Variants in FSHR observed in about 807,000 individuals in gnomAD.
FSHR encodes follicle-stimulating hormone receptor.
In FSHR, 46 loss-of-function variants were observed where a neutral mutation model predicts 52.1. The observed-to-expected ratio is 0.88, with a 90% CI of 0.70 to 1.13. The LOEUF (loss-of-function observed/expected upper bound fraction) is 1.13, where lower values mean the gene tolerates loss of function less well. Among genes scored for constraint, FSHR ranks in the 50% most tolerant of loss-of-function variants. The pLI is 0.00. For missense variants in FSHR, 964 were observed against 834.6 expected (o/e 1.16, Z -1.91); for synonymous variants, 399 against 309.6 (o/e 1.29, Z -3.03).
In FSHR at chr2:49,142,117, C is replaced by T. The variant is rs188045919; in HGVS notation, c.152+12149G>A. On this transcript the variant is annotated intron_variant, in intron 1 of 9. Coordinates refer to ENST00000406846, the MANE Select transcript of FSHR (RefSeq NM_000145.4). ...AGCCCTTTCATTTATTCTTTCAACT[C>T]ATATATGTATTGAGTGTTTACTCTG... Among the ~76,000 whole-genome samples, 244 of 152,300 alleles carry T rather than the reference C, an allele frequency of 1.6e-3. 1 individual carries two copies. Among genetic ancestry groups the T allele is most frequent in the African/African-American group, 5.8e-3 (241 of 41,562 alleles).
intron 1 of FSHR, among the ~76,000 whole-genome samples, chr2:49,082,059 G>A (rs1178628163): frequency 1.3e-5 from 2 of 152,202 alleles, no homozygotes; most frequent in Non-Finnish European, 2.9e-5. Context: ...CCAGTCTACA[G>A]CTCCCAGCGT....
At chr2:48,974,702 A>T (rs534665479) in intron 8 of FSHR, among the ~76,000 whole-genome samples, 64 of 152,332 alleles carry the variant, frequency 4.2e-4, no homozygotes, top group African/African-American at 1.5e-3. Context: ...GACAGAAAAT[A>T]CAACATATCT....
chr2:49,081,513 T>C (rs893463084), intron 1 of FSHR, among the ~76,000 whole-genome samples: 1 of 152,198 alleles, frequency 6.6e-6, no homozygotes, highest in Non-Finnish European at 1.5e-5. Flanking sequence ...CCAAGCATCA[T>C]TTATTAACTC....
intron 8 of FSHR, among the ~76,000 whole-genome samples, chr2:48,980,556 C>T (rs1293568893): frequency 1.3e-5 from 2 of 152,336 alleles, no homozygotes; most frequent in East Asian, 3.9e-4. Flanking sequence ...TTCTTCTGTG[C>T]CACGTTTATC....
intron 8 of FSHR, among the ~76,000 whole-genome samples, chr2:48,980,498 T>C (rs1047567339): frequency 1.3e-5 from 2 of 152,184 alleles, no homozygotes; most frequent in African/African-American, 2.4e-5. Flanking sequence ...ATGAGATACA[T>C]TGTGCAGTAT....
At chr2:48,991,562 C>A (rs931837719) in intron 4 of FSHR, among the ~76,000 whole-genome samples, 2 of 152,128 alleles carry the variant, frequency 1.3e-5, no homozygotes, top group Non-Finnish European at 2.9e-5. Context: ...CAGTGAGTTC[C>A]TGATGGGCAT....
intron 1 of FSHR, among the ~76,000 whole-genome samples, chr2:49,115,614 C>T (rs867115509): frequency 2.0e-5 from 3 of 152,086 alleles, no homozygotes; most frequent in Non-Finnish European, 4.4e-5. Flanking sequence ...AACCTAGGTG[C>T]CACATGCTGC....
chr2:48,997,272 C>T (rs1676065198), intron 4 of FSHR: 1 of 985,148 alleles, frequency 1.0e-6, no homozygotes, highest in Non-Finnish European at 1.2e-6. Flanking sequence ...TTTTCGATCT[C>T]ACATTTTCAA....
chr2:49,047,918 G>A (rs1253181600), intron 2 of FSHR, among the ~76,000 whole-genome samples: 1 of 152,108 alleles, frequency 6.6e-6, no homozygotes, highest in Admixed American at 6.5e-5. Context: ...TTGCTTTGTT[G>A]TCCAGGCTGG....
At chr2:49,075,382 C>G (rs1370877599) in intron 1 of FSHR, among the ~76,000 whole-genome samples, 1 of 151,182 alleles carries the variant, frequency 6.6e-6, no homozygotes, top group Non-Finnish European at 1.5e-5. Context: ...GAGAGGAAAC[C>G]TAAAAGAGTG....
intron 4 of FSHR, among the ~76,000 whole-genome samples, chr2:49,002,392 G>GT (rs1199544091): frequency 2.6e-5 from 4 of 152,008 alleles, no homozygotes; most frequent in Non-Finnish European, 2.9e-5. Flanking sequence ...GAGGCCCAGT[G>GT]TATTAGTCCC....
intron 1 of FSHR, among the ~76,000 whole-genome samples, chr2:49,126,827 T>A (rs910122605): frequency 1.3e-5 from 2 of 152,196 alleles, no homozygotes; most frequent in African/African-American, 4.8e-5. Context: ...GACACACCTC[T>A]CAAGATAGAA....
rs142389076 is a variant in FSHR, at chr2:49,053,854, C to T, written c.224+14365G>A. 2.2e-4 allele frequency among the ~76,000 whole-genome samples: 34 copies of T among 152,214 alleles called. No homozygotes were observed. The East Asian group carries it at 5.6e-3, about 25-fold the overall frequency. On this transcript the variant is annotated intron_variant, in intron 2 of 9. Transcript: ENST00000406846. ...GAGTAAGAAATAAACTCATCAAATGCCCATGTTGTTTCAGATACTGAGATT... is the reference window on the plus strand; with the variant it reads ...GAGTAAGAAATAAACTCATCAAATGTCCATGTTGTTTCAGATACTGAGATT...
At chr2:49,144,870 G>A (rs187541815) in intron 1 of FSHR, among the ~76,000 whole-genome samples, 158 of 152,190 alleles carry the variant, frequency 1.0e-3, no homozygotes, top group African/African-American at 3.8e-3. Flanking sequence ...ATATAACCAT[G>A]CCAAATAGTT....
Position 49,068,251 on chromosome 2 carries a change from A to C in FSHR, c.192T>G (p.Gly64=). 1 of 1,611,394 alleles carries C rather than the reference A, an allele frequency of 6.2e-7. No individual in the cohort carries two copies. Among genetic ancestry groups the C allele is most frequent in the Non-Finnish European group, 8.5e-7 (1 of 1,178,656 alleles). ...CCAGGTCCCCAAATCCTGAAAATGC[A>C]CCTTTTTGGATGACTCGAAGCTTGG... is the stretch of plus-strand genomic sequence containing the variant. The part of the protein sequence containing the change: ...VLTKLRVIQK[G]AFSGFGDLEK... The change falls in exon 2 of 10, where the codon GGT becomes GGG. Residue 64 remains glycine (G), a synonymous_variant. Transcript: ENST00000406846.
chr2:48,963,909 C>A lies in FSHR; in HGVS notation c.912G>T (p.Met304Ile). ...AGGATCTCTGACCCCTAGCCTGAGT[C>A]ATATAATCAACTTCTTGCCTTAAAA... The part of the protein sequence containing the change: ...KSILRQEVDY[M>I]TQARGQRSSL... The change falls in exon 10 of 10, where the codon ATG becomes ATT. Residue 304 changes from methionine to isoleucine, a missense_variant. Physicochemically the swap from Met to Ile is conservative, Grantham distance 10. Transcript: ENST00000406846. 6.2e-7 allele frequency: 1 copy of A among 1,613,940 alleles called. No homozygotes were observed. Among genetic ancestry groups the A allele is most frequent in the South Asian group, 1.1e-5 (1 of 91,022 alleles).
chr2:49,040,333 A>G (rs1307058882), intron 2 of FSHR, among the ~76,000 whole-genome samples: 3 of 152,134 alleles, frequency 2.0e-5, no homozygotes, highest in African/African-American at 4.8e-5. Context: ...TTCTTAGAAG[A>G]GTACCTCCCT....
intron 1 of FSHR, among the ~76,000 whole-genome samples, chr2:49,127,083 T>G (rs2103795307): frequency 6.6e-6 from 1 of 152,224 alleles, no homozygotes. Flanking sequence ...ATCCCAGCCG[T>G]TTGGGAGACC....
chr2:49,062,994 G>C (rs1048542712), intron 2 of FSHR, among the ~76,000 whole-genome samples: 2 of 152,144 alleles, frequency 1.3e-5, no homozygotes, highest in Non-Finnish European at 2.9e-5. Context: ...ATAGAAGTTA[G>C]TACAGCCATT....
Sources: gnomAD v4.1 joint callset for allele counts (sites outside exome capture counted in the v4.1 genomes callset) on GRCh38, gnomAD v4.1.1 for gene constraint, MANE v1.5 for transcripts, NCBI Gene and HGNC (gene_info 2026-07-23, HGNC 2026-07-21) for gene names.